B3GLCT: variants seen among roughly 807,000 people sequenced by gnomAD.
B3GLCT encodes beta 3-glucosyltransferase.
B3GLCT carries 65 observed loss-of-function variants against 63.4 expected under a neutral mutation model. That is an observed-to-expected ratio of 1.03 (90% confidence interval 0.84 to 1.26). B3GLCT has a LOEUF of 1.26. B3GLCT is among the 50% of genes most tolerant of loss of function. The pLI is 0.00. For synonymous variants in B3GLCT, 233 were observed against 219.2 expected (o/e 1.06, Z -0.55); for missense variants, 577 against 604.8 (o/e 0.95, Z 0.48).
At chr13:31,247,133 C>T in intron 5 of B3GLCT, 34 bp downstream of exon 5, 3 of 1,500,088 alleles carry the variant, frequency 2.0e-6, no homozygotes, top group Non-Finnish European at 1.9e-6. Flanking sequence ...GAATTACTGA[C>T]ATTCCTACCT....
intron 10 of B3GLCT, among the ~76,000 whole-genome samples, chr13:31,284,161 A>G (rs892858379): frequency 7.9e-5 from 12 of 152,198 alleles, no homozygotes; most frequent in Non-Finnish European, 1.8e-4. Flanking sequence ...AAAGTACAAC[A>G]TCGTAATATC....
At chr13:31,259,284 G>T (rs116076423) in intron 6 of B3GLCT, among the ~76,000 whole-genome samples, 75 of 152,200 alleles carry the variant, frequency 4.9e-4, no homozygotes, top group African/African-American at 1.7e-3. Context: ...TTCTTGCTCT[G>T]CTGGGTGAGT....
At chr13:31,286,621 G>A (rs1229199096) in intron 11 of B3GLCT, 99 bp from the exon 12 acceptor site, 4 of 827,282 alleles carry the variant, frequency 4.8e-6, no homozygotes. Context: ...ATTTTGGCAT[G>A]TAAGCTCTTA....
intron 4 of B3GLCT, among the ~76,000 whole-genome samples, chr13:31,231,953 G>A (rs1870402047): frequency 6.6e-6 from 1 of 152,154 alleles, no homozygotes; most frequent in Non-Finnish European, 1.5e-5. Context: ...GCTGAACTTG[G>A]CAGTTGTATT....
At chr13:31,311,100 CAGAG>C (rs751480262) in intron 12 of B3GLCT, among the ~76,000 whole-genome samples, 5 of 152,152 alleles carry the variant, frequency 3.3e-5, no homozygotes, top group Non-Finnish European at 1.5e-5. Flanking sequence ...AGGAGAAGGT[CAGAG>C]AGAGAGATTG....
At chr13:31,242,571 C>T in intron 4 of B3GLCT, among the ~76,000 whole-genome samples, 1 of 152,150 alleles carries the variant, frequency 6.6e-6, no homozygotes, top group Non-Finnish European at 1.5e-5. Context: ...GTGGCAGAGC[C>T]ACAACTAGGA....
intron 12 of B3GLCT, among the ~76,000 whole-genome samples, chr13:31,300,398 A>G (rs747502889): frequency 6.6e-6 from 1 of 152,234 alleles, no homozygotes; most frequent in African/African-American, 2.4e-5. Context: ...TGCTGCACAG[A>G]TAAAACCAGT....
At chr13:31,205,525 C>T (rs1433642078) in intron 1 of B3GLCT, among the ~76,000 whole-genome samples, 1 of 152,000 alleles carries the variant, frequency 6.6e-6, no homozygotes, top group Non-Finnish European at 1.5e-5. Context: ...CACCACTGCA[C>T]TTCAGCCTGG....
chr13:31,329,355 G>A, intron 14 of B3GLCT, 146 bp from the exon 15 acceptor site: 1 of 886,816 alleles, frequency 1.1e-6, no homozygotes, highest in South Asian at 1.5e-5. Context: ...AAAGATATCA[G>A]AAAATAGTTT....
chr13:31,204,445 A>G (rs1439810652), intron 1 of B3GLCT, among the ~76,000 whole-genome samples: 1 of 152,106 alleles, frequency 6.6e-6, no homozygotes, highest in African/African-American at 2.4e-5. Flanking sequence ...TTCCTAGAGG[A>G]TGTGACGTTA....
intron 2 of B3GLCT, among the ~76,000 whole-genome samples, chr13:31,216,814 G>C (rs1469739922): frequency 6.6e-6 from 1 of 152,210 alleles, no homozygotes; most frequent in Admixed American, 6.5e-5. Flanking sequence ...GTATTCCATG[G>C]TGTATCCATA....
chr13:31,276,668 C>CATAA, intron 9 of B3GLCT, 34 bp from the exon 10 acceptor site: 1 of 1,426,330 alleles, frequency 7.0e-7, no homozygotes, highest in Non-Finnish European at 9.9e-7. Context: ...CGCTGACTCA[C>CATAA]ATATGCATAC....
At chr13:31,219,450 A>T (rs193175134) in intron 2 of B3GLCT, among the ~76,000 whole-genome samples, 1 of 152,254 alleles carries the variant, frequency 6.6e-6, no homozygotes, top group Non-Finnish European at 1.5e-5. Context: ...AATAATGAGG[A>T]TCATTTGTGA....
intron 6 of B3GLCT, among the ~76,000 whole-genome samples, chr13:31,253,595 CAAAAAAAAAAA>C (rs35512327): frequency 2.2e-4 from 4 of 18,416 alleles, no homozygotes; most frequent in Non-Finnish European, 3.1e-4. Flanking sequence ...GACTCCATCT[CAAAAAAAAAAA>C]AAAAAAAAAA....
At chr13:31,283,039 T>C (rs560588724) in intron 10 of B3GLCT, 1 of 152,370 alleles carries the variant, frequency 6.6e-6, no homozygotes, top group Admixed American at 6.5e-5. Context: ...AACTCACCCT[T>C]GATTTTGATT....
chr13:31,207,573 C>G (rs1869025678), intron 1 of B3GLCT, among the ~76,000 whole-genome samples: 1 of 151,658 alleles, frequency 6.6e-6, no homozygotes, highest in African/African-American at 2.4e-5. Context: ...TTTTCACTAT[C>G]TACTGTGCTT....
intron 4 of B3GLCT, among the ~76,000 whole-genome samples, chr13:31,243,561 C>T (rs1239167759): frequency 1.3e-5 from 2 of 152,098 alleles, no homozygotes; most frequent in Non-Finnish European, 2.9e-5. Flanking sequence ...AGAATAATGA[C>T]CCTTCTCCAT....
chr13:31,254,818 G>A (rs906279891), intron 6 of B3GLCT, among the ~76,000 whole-genome samples: 16 of 152,116 alleles, frequency 1.1e-4, no homozygotes, highest in African/African-American at 2.7e-4. Flanking sequence ...TTGGGAGGCC[G>A]AGGTGGGTGG....
chr13:31,314,959 T>C (rs1874919538), intron 12 of B3GLCT, among the ~76,000 whole-genome samples: 1 of 152,152 alleles, frequency 6.6e-6, no homozygotes, highest in East Asian at 1.9e-4. Flanking sequence ...TTATCAGGGG[T>C]TTCCACTTTT....
Sources: allele counts gnomAD v4.1 joint callset (sites outside exome capture counted in the v4.1 genomes callset), GRCh38; gene constraint gnomAD v4.1.1; transcripts MANE v1.5; gene names NCBI Gene and HGNC (gene_info 2026-07-23, HGNC 2026-07-21).